The following CNTNAP5 variants were observed in gnomAD, a reference collection of about 807,000 sequenced individuals.
The protein encoded by CNTNAP5 is contactin associated protein family member 5.
Under a neutral mutation model 150.2 loss-of-function variants are expected in CNTNAP5, and 72 were observed. The observed-to-expected ratio is 0.48, with a 90% CI of 0.40 to 0.58. The LOEUF (loss-of-function observed/expected upper bound fraction) is 0.58, where lower values mean the gene tolerates loss of function less well. Ranked by LOEUF, CNTNAP5 falls within the 20% of genes least tolerant of loss-of-function variation. The probability of loss-of-function intolerance (pLI) is 0.00; values close to 1 mark genes in which losing one functional copy is unlikely to be tolerated. For synonymous variants in CNTNAP5, 672 were observed against 619.8 expected (o/e 1.08, Z -1.25); for missense variants, 1,636 against 1,626.2 (o/e 1.01, Z -0.10).
chr2:124,046,295 G>A (rs1359758189), intron 1 of CNTNAP5, among the ~76,000 whole-genome samples: 1 of 152,172 alleles, frequency 6.6e-6, no homozygotes, highest in Non-Finnish European at 1.5e-5. Context: ...CAGTGGCAAA[G>A]TAGGCACATT....
At chr2:124,349,870 A>ATTTTTT (rs1553460393) in intron 3 of CNTNAP5, among the ~76,000 whole-genome samples, 3 of 36,416 alleles carry the variant, frequency 8.2e-5, no homozygotes, top group African/African-American at 2.0e-4. Flanking sequence ...ACTTCTGGCT[A>ATTTTTT]TTTCTTTTTT....
chr2:124,901,472 C>T (rs1678411927), intron 21 of CNTNAP5, among the ~76,000 whole-genome samples: 1 of 152,154 alleles, frequency 6.6e-6, no homozygotes, highest in South Asian at 2.1e-4. Flanking sequence ...TGTAACATTG[C>T]TTGCCTTGAA....
chr2:124,680,004 C>A (rs922829977), intron 13 of CNTNAP5, among the ~76,000 whole-genome samples: 1 of 151,778 alleles, frequency 6.6e-6, no homozygotes, highest in African/African-American at 2.4e-5. Flanking sequence ...GTATTTCCAT[C>A]GATTTTTTAT....
At chr2:124,534,108 A>G (rs896426616) in intron 10 of CNTNAP5, among the ~76,000 whole-genome samples, 3 of 152,174 alleles carry the variant, frequency 2.0e-5, no homozygotes, top group African/African-American at 7.2e-5. Flanking sequence ...AGTGGGAGCT[A>G]GATAACATGG....
chr2:124,527,351 G>A lies in CNTNAP5; in HGVS notation c.1544G>A (p.Arg515Lys), dbSNP rs376882680. 1.5e-4 allele frequency: 249 copies of A among 1,613,518 alleles called. No homozygotes were observed. Among genetic ancestry groups the A allele is most frequent in the Non-Finnish European group, 2.0e-4 (235 of 1,179,692 alleles). The change falls in exon 10 of 24, where the codon AGG becomes AAG. Residue 515 changes from arginine (R) to lysine (K), a missense_variant. By Grantham distance (26) the Arg-to-Lys change is conservative. Transcript: ENST00000682447. ...ATTAAGGCTTTCCAAGGCTGCATGA[G>A]GCTCATCTTTATTGATAACCAGCCC... is the stretch of plus-strand genomic sequence containing the variant. ...NPIKAFQGCM[R>K]LIFIDNQPKD...
chr2:124,133,495 T>C (rs552364107), intron 1 of CNTNAP5, among the ~76,000 whole-genome samples: 54 of 152,270 alleles, frequency 3.5e-4, no homozygotes, highest in African/African-American at 1.1e-3. Context: ...GGCAAGGGCA[T>C]GTGTCATTCT....
intron 3 of CNTNAP5, among the ~76,000 whole-genome samples, chr2:124,249,645 T>G (rs1161868886): frequency 6.6e-6 from 1 of 152,222 alleles, no homozygotes; most frequent in Admixed American, 6.5e-5. Flanking sequence ...GATTGATGTC[T>G]CATGCCTTCC....
chr2:124,612,671 G>A (rs1489574646), intron 12 of CNTNAP5, among the ~76,000 whole-genome samples: 1 of 152,144 alleles, frequency 6.6e-6, no homozygotes, highest in African/African-American at 2.4e-5. Context: ...TGCGTATGGT[G>A]GGGTATTTAT....
intron 17 of CNTNAP5, among the ~76,000 whole-genome samples, chr2:124,774,043 T>C (rs764407708): frequency 6.6e-6 from 1 of 151,892 alleles, no homozygotes; most frequent in Non-Finnish European, 1.5e-5. Context: ...TGTAAAGCTT[T>C]AAAGTACAAA....
chr2:124,732,950 T>C (rs1680304421), intron 13 of CNTNAP5, among the ~76,000 whole-genome samples: 1 of 152,200 alleles, frequency 6.6e-6, no homozygotes, highest in South Asian at 2.1e-4. Context: ...GATTAGTTGT[T>C]GTCTTGATAA....
rs566627823 is a variant in CNTNAP5 at position 124,403,949 on chromosome 2, C to G, written c.382-13494C>G. Among the ~76,000 whole-genome samples the G allele has an allele frequency of 1.4e-4, 21 of 152,250 alleles. No homozygotes were observed. The East Asian group carries it at 3.1e-3, about 22-fold the overall frequency. On this transcript the variant is annotated intron_variant, in intron 3 of 23. Coordinates refer to ENST00000682447, the MANE Select transcript of CNTNAP5 (RefSeq NM_001367498.1). ...GTCTCGTGAGACTTATTCACTAGCA[C>G]GAGAATAGCATGGAAAAAAACCCAC...
intron 1 of CNTNAP5, among the ~76,000 whole-genome samples, chr2:124,089,195 G>T (rs1424567215): frequency 6.6e-6 from 1 of 151,830 alleles, no homozygotes; most frequent in African/African-American, 2.4e-5. Context: ...GAATGTCCAG[G>T]ATTCTCCATT....
chr2:124,306,719 CTTTTTTT>C lies in CNTNAP5; in HGVS notation c.381+64345_381+64351del, dbSNP rs762901729. On this transcript the variant is annotated intron_variant, in intron 3 of 23. Coordinates refer to ENST00000682447, the MANE Select transcript of CNTNAP5 (RefSeq NM_001367498.1). ...AAACTTGGTTTCTCTCTCTCTCTTT[CTTTTTTT>C]TTTTTTTTTTTTTTTTTTGAGGTGA... Among the ~76,000 whole-genome samples, 598 of 64,386 alleles carry C rather than the reference CTTTTTTT, an allele frequency of 9.3e-3. 4 individuals carry two copies. Among genetic ancestry groups the C allele is most frequent in the African/African-American group, 0.016 (256 of 16,038 alleles). The allele number at this position is 64,386 out of a possible 152,430, so 42.2% of individuals were successfully genotyped here. A position where few individuals can be genotyped will look rare whatever the true frequency, so the allele number is the denominator to read the frequency against.
intron 1 of CNTNAP5, among the ~76,000 whole-genome samples, chr2:124,086,674 T>G (rs900630579): frequency 6.6e-6 from 1 of 151,686 alleles, no homozygotes; most frequent in Non-Finnish European, 1.5e-5. Context: ...GATATCTTTT[T>G]CCATCCTCTT....
chr2:124,458,299 ATATAT>A (rs1693169518), intron 6 of CNTNAP5, among the ~76,000 whole-genome samples: 1 of 8,614 alleles, frequency 1.2e-4, no homozygotes, highest in South Asian at 2.9e-3. Flanking sequence ...TATTTTATAT[ATATAT>A]ATATATATAT....
chr2:124,263,606 C>A lies in CNTNAP5; in HGVS notation c.381+21213C>A, dbSNP rs142555729. Among the ~76,000 whole-genome samples the A allele has an allele frequency of 3.3e-3, 496 of 152,258 alleles. 7 individuals are homozygous for A. Among genetic ancestry groups the A allele is most frequent in the East Asian group, 0.03 (153 of 5,176 alleles). Reference sequence around the variant, plus strand: ...TCTCCCCTTCTGTAGGTTGCCTGTTCACGCTGATGGTAGTTTCTTTTGCTG... The same window carrying A: ...TCTCCCCTTCTGTAGGTTGCCTGTTAACGCTGATGGTAGTTTCTTTTGCTG... On this transcript the variant is annotated intron_variant, in intron 3 of 23. Coordinates refer to ENST00000682447, the MANE Select transcript of CNTNAP5 (RefSeq NM_001367498.1).
intron 1 of CNTNAP5, among the ~76,000 whole-genome samples, chr2:124,107,198 G>T (rs1461773354): frequency 6.6e-6 from 1 of 152,150 alleles, no homozygotes; most frequent in Non-Finnish European, 1.5e-5. Context: ...GGACCACTAT[G>T]CTCTCAGGGC....
chr2:124,630,852 A>T (rs751478093), intron 12 of CNTNAP5, among the ~76,000 whole-genome samples: 2 of 152,198 alleles, frequency 1.3e-5, no homozygotes, highest in African/African-American at 2.4e-5. Context: ...AAGCTTCTTA[A>T]GCTGATAAGC....
At chr2:124,680,617 C>T (rs2105068142) in intron 13 of CNTNAP5, 1 of 151,974 alleles carries the variant, frequency 6.6e-6, no homozygotes, top group South Asian at 2.1e-4. Flanking sequence ...TTTCCCCCCA[C>T]CCACTATGTA....
Sources: allele counts gnomAD v4.1 joint callset (sites outside exome capture counted in the v4.1 genomes callset), GRCh38; gene constraint gnomAD v4.1.1; transcripts MANE v1.5; gene names NCBI Gene and HGNC (gene_info 2026-07-23, HGNC 2026-07-21).